MEI1: variants seen among roughly 807,000 people sequenced by gnomAD.
The protein encoded by MEI1 is meiosis inhibitor protein 1.
Under a neutral mutation model 146.2 loss-of-function variants are expected in MEI1, and 103 were observed. That is an observed-to-expected ratio of 0.70 (90% CI 0.60 to 0.83). The LOEUF (loss-of-function observed/expected upper bound fraction) is 0.83, where lower values mean the gene tolerates loss of function less well. MEI1 is among the 40% of genes least tolerant of loss of function. The pLI is 0.00. For synonymous variants in MEI1, 652 were observed against 628.2 expected, an observed-to-expected ratio of 1.04 and a Z score of -0.57; for missense variants, 1,529 against 1,533.0, an observed-to-expected ratio of 1.00 and a Z score of 0.04.
At chr22:41,784,294 G>A (rs780114036) in intron 24 of MEI1, 45 bp from the exon 25 acceptor site, 22 of 1,563,504 alleles carry the variant, frequency 1.4e-5, no homozygotes, top group Non-Finnish European at 1.8e-5. Flanking sequence ...TTCTGCCCAG[G>A]CTTCCAGAAC....
At position 41,758,486 on chromosome 22, in the gene MEI1, G is replaced by T; in HGVS notation, c.2073G>T (p.Gln691His). 6.2e-7 allele frequency: 1 copy of T among 1,613,762 alleles called. No individual in the cohort carries two copies. The highest frequency in any genetic ancestry group is 1.3e-5 in the African/African-American group (1 of 75,050). The change falls in exon 18 of 31, where the codon CAG (glutamine) becomes CAT (histidine). Residue 691 changes from glutamine (Q) to histidine (H), a missense_variant. This residue lies in a region of MEI1 where 1,212 missense variants were observed against 1,178.9 expected (regional missense o/e 1.03). Coordinates refer to ENST00000401548, the MANE Select transcript of MEI1 (RefSeq NM_152513.4). ...QYMEGAARQRQYCILLLFYLA... is the reference protein window; with the variant it reads ...QYMEGAARQRHYCILLLFYLA... ...TGGAGGGAGCTGCTCGCCAGAGACA[G>T]TACTGCATCCTGCTCCTCTTCTACT... is the stretch of plus-strand genomic sequence containing the variant.
intron 18 of MEI1, chr22:41,759,313 G>T (rs2074303305): frequency 1.3e-5 from 2 of 152,034 alleles, no homozygotes; most frequent in African/African-American, 4.8e-5. Context: ...GACCAACAAG[G>T]TGAAACCCTG....
rs1289539546 is a variant in MEI1, at chr22:41,794,602, C to G, written c.3534+125C>G. The G allele has an allele frequency of 4.1e-6, 3 of 735,958 alleles. No homozygotes were observed. In the African/African-American group the frequency reaches 5.3e-5, roughly 13 times the overall value. 45.6% of individuals were successfully genotyped at this position (735,958 alleles called of 1,614,324 possible). ...AAGAAGGTGGAAGGGCTCGGCAGGC[C>G]TTCACCCTACAAGAGACTTGCTGAA... On this transcript the variant is annotated intron_variant, in intron 28 of 30. Coordinates refer to ENST00000401548, the MANE Select transcript of MEI1 (RefSeq NM_152513.4).
chr22:41,759,327 C>T (rs968793645), intron 18 of MEI1: 11 of 151,868 alleles, frequency 7.2e-5, no homozygotes, highest in African/African-American at 2.7e-4. Context: ...AACCCTGTCT[C>T]TACTAAAAAT....
rs752529942 is a variant in MEI1 at position 41,781,403 on chromosome 22, G to GC, written c.2926+12dup. The GC allele has an allele frequency of 6.3e-7, 1 of 1,599,472 alleles. No individual in the cohort carries two copies. Among genetic ancestry groups the GC allele is most frequent in the Non-Finnish European group, 8.5e-7 (1 of 1,170,826 alleles). ...CAGCAGTCAGAAAAGAGGTGCAGGG[G>GC]CCCGGGCTGGGACAGTGAAGAGTGC... On this transcript the variant is annotated intron_variant, in intron 23 of 30. Coordinates refer to ENST00000401548, the MANE Select transcript of MEI1 (RefSeq NM_152513.4).
chr22:41,793,393 C>G (rs1049674156), intron 26 of MEI1, among the ~76,000 whole-genome samples: 2 of 152,068 alleles, frequency 1.3e-5, no homozygotes, highest in Non-Finnish European at 2.9e-5. Context: ...CCTCCGCCTC[C>G]CGGGTTCAAT....
chr22:41,705,354 TAGAG>T, intron 2 of MEI1, 146 bp from the exon 3 acceptor site: 1 of 673,736 alleles, frequency 1.5e-6, no homozygotes. Context: ...GTGTTTTTAG[TAGAG>T]AGAGGGTTTC....
chr22:41,700,867 C>A (rs534253236), intron 1 of MEI1, among the ~76,000 whole-genome samples: 1 of 150,458 alleles, frequency 6.6e-6, no homozygotes, highest in African/African-American at 2.5e-5. Context: ...CTCCCAAAGT[C>A]CAAAGTGTTG....
At chr22:41,743,432 C>T in intron 12 of MEI1, among the ~76,000 whole-genome samples, 1 of 134,284 alleles carries the variant, frequency 7.4e-6, no homozygotes, top group East Asian at 2.2e-4. Flanking sequence ...CTCTAAGGTC[C>T]AAAACTATAA....
intron 17 of MEI1, among the ~76,000 whole-genome samples, chr22:41,757,089 G>C (rs1033389114): frequency 9.2e-5 from 14 of 151,806 alleles, no homozygotes; most frequent in Non-Finnish European, 1.6e-4. Flanking sequence ...TCCACAGTTT[G>C]TTTCTTTCTT....
At chr22:41,752,064 G>A (rs1316209434) in intron 15 of MEI1, among the ~76,000 whole-genome samples, 5 of 149,924 alleles carry the variant, frequency 3.3e-5, no homozygotes, top group Admixed American at 3.3e-4. Context: ...GTGAGGCTCC[G>A]TCTCAGGAAA....
intron 18 of MEI1, 157 bp downstream of exon 18, chr22:41,758,690 A>C (rs1355109208): frequency 1.0e-4 from 76 of 749,156 alleles, no homozygotes; most frequent in Non-Finnish European, 1.5e-4. Context: ...CTCATATCTT[A>C]GAAGTGGGTT....
At chr22:41,711,798 G>A (rs988292761) in intron 3 of MEI1, among the ~76,000 whole-genome samples, 1 of 152,116 alleles carries the variant, frequency 6.6e-6, no homozygotes, top group African/African-American at 2.4e-5. Flanking sequence ...AGAAGGGTGG[G>A]TTTGGAGCTA....
At chr22:41,784,300 A>G in intron 24 of MEI1, 39 bp from the exon 25 acceptor site, 2 of 1,583,754 alleles carry the variant, frequency 1.3e-6, no homozygotes, top group Non-Finnish European at 1.7e-6. Context: ...CCAGGCTTCC[A>G]GAACATGGGG....
chr22:41,730,359 C>T (rs2071747391), intron 8 of MEI1, among the ~76,000 whole-genome samples, 162 bp from the exon 9 acceptor site: 2 of 152,150 alleles, frequency 1.3e-5, no homozygotes, highest in Admixed American at 1.3e-4. Flanking sequence ...GGGCACTTTC[C>T]AGGTTTATTA....
chr22:41,709,515 T>C, intron 3 of MEI1: 1 of 594,026 alleles, frequency 1.7e-6, no homozygotes, highest in Non-Finnish European at 3.2e-6. Flanking sequence ...CAGCGGGATG[T>C]AGGTGCTGTG....
intron 6 of MEI1, among the ~76,000 whole-genome samples, chr22:41,719,058 C>G (rs1378857105): frequency 2.0e-5 from 3 of 150,138 alleles, no homozygotes; most frequent in African/African-American, 7.4e-5. Context: ...TCTTGGCTCA[C>G]TGCAAGCTCC....
At chr22:41,746,903 G>A (rs1026683096) in intron 14 of MEI1, among the ~76,000 whole-genome samples, 9 of 152,104 alleles carry the variant, frequency 5.9e-5, no homozygotes, top group Non-Finnish European at 2.9e-5. Context: ...GCAACTCATC[G>A]CAGTTTACTC....
At position 41,781,807 on chromosome 22, in the gene MEI1, G is replaced by A. The variant is rs754021162; in HGVS notation, c.3049G>A (p.Ala1017Thr). Reference protein sequence around the residue: ...ALLCSAWLLTASFSAQQHKGS... With the variant: ...ALLCSAWLLTTSFSAQQHKGS... Reference sequence around the variant, plus strand: ...CCTCTGCTCTGCCTGGCTGCTCACTGCCTCCTTCTCTGCCCAGCAGCACAA... The same window carrying A: ...CCTCTGCTCTGCCTGGCTGCTCACTACCTCCTTCTCTGCCCAGCAGCACAA... The change falls in exon 24 of 31, where the codon GCC (alanine) becomes ACC (threonine). Residue 1017 changes from alanine to threonine, a missense_variant. Physicochemically the swap from Ala to Thr is moderately conservative, Grantham distance 58. This residue lies in a region of MEI1 where 313 missense variants were observed against 337.3 expected (regional missense o/e 0.93). Transcript: ENST00000401548. 6.2e-6 allele frequency: 10 copies of A among 1,613,858 alleles called. No homozygotes were observed. The highest frequency in any genetic ancestry group is 8.5e-6 in the Non-Finnish European group (10 of 1,179,912).
Sources: allele counts gnomAD v4.1 joint callset (sites outside exome capture counted in the v4.1 genomes callset), GRCh38; gene constraint gnomAD v4.1.1; regional missense constraint gnomAD v4.1.1; transcripts MANE v1.5; gene names NCBI Gene and HGNC (gene_info 2026-07-23, HGNC 2026-07-21).